The following SLIT1 variants were observed in gnomAD, a reference collection of about 807,000 sequenced individuals.
The protein encoded by SLIT1 is slit guidance ligand 1.
A neutral mutation model predicts 186.1 loss-of-function variants in SLIT1; 66 were observed. That is an observed-to-expected ratio of 0.35 (90% CI 0.29 to 0.44). SLIT1 has a LOEUF of 0.44. Ranked by LOEUF, SLIT1 falls within the 20% of genes least tolerant of loss-of-function variation. SLIT1 has a pLI of 1.00. For missense variants in SLIT1, 1,638 were observed against 2,037.4 expected, an observed-to-expected ratio of 0.80 and a Z score of 3.77; for synonymous variants, 761 against 833.8, an observed-to-expected ratio of 0.91 and a Z score of 1.50.
chr10:97,021,856 C>G lies in SLIT1; in HGVS notation c.2583-443G>C, dbSNP rs1455421939. Among the ~76,000 whole-genome samples the G allele has an allele frequency of 1.3e-5, 2 of 152,210 alleles. No individual in the cohort carries two copies. The highest frequency in any genetic ancestry group is 2.9e-5 in the Non-Finnish European group (2 of 68,040). ...GGGATTACAGGCGTGAGCCACCGTGCCTGGCTGCCAGTGCTGTTTTAAGCA... is the reference window on the plus strand; with the variant it reads ...GGGATTACAGGCGTGAGCCACCGTGGCTGGCTGCCAGTGCTGTTTTAAGCA... On this transcript the variant is annotated intron_variant, in intron 25 of 36. Transcript: ENST00000266058. The surrounding 1 kb of genome is among the most constrained non-coding windows in gnomAD (Gnocchi z 4.5).
rs966177001 is a variant in SLIT1, at chr10:97,000,913, C to T, written c.*199G>A. ...AGAGGGCAGCCCGCAGCTCAGGCCT[C>T]GCCCACCCCCGCTGCCCCCAGCTAT... On this transcript the variant is annotated 3_prime_UTR_variant, in exon 37 of 37. Transcript: ENST00000266058. The T allele has an allele frequency of 7.6e-5, 45 of 592,714 alleles. No individual in the cohort carries two copies. Among genetic ancestry groups the T allele is most frequent in the African/African-American group, 3.5e-4 (19 of 53,724 alleles). The allele number at this position is 592,714 out of a possible 1,614,324, so 36.7% of individuals were successfully genotyped here.
intron 14 of SLIT1, among the ~76,000 whole-genome samples, chr10:97,048,255 G>A (rs1440889556): frequency 6.6e-6 from 1 of 152,214 alleles, no homozygotes; most frequent in African/African-American, 2.4e-5. Context: ...ATGGCACGAG[G>A]TGGGGACTGT....
At chr10:97,028,568 C>T (rs1264021688) in intron 25 of SLIT1, among the ~76,000 whole-genome samples, 1 of 152,174 alleles carries the variant, frequency 6.6e-6, no homozygotes, top group African/African-American at 2.4e-5. Context: ...CCTAGAATTC[C>T]CTTCCTCACT....
At chr10:97,160,008 G>A (rs1472299512) in intron 3 of SLIT1, among the ~76,000 whole-genome samples, 1 of 152,162 alleles carries the variant, frequency 6.6e-6, no homozygotes, top group Non-Finnish European at 1.5e-5. Flanking sequence ...AATGGTAGAT[G>A]TGGGATCTTG....
At chr10:97,051,827 A>G (rs1038598279) in intron 13 of SLIT1, among the ~76,000 whole-genome samples, 1 of 149,904 alleles carries the variant, frequency 6.7e-6, no homozygotes, top group African/African-American at 2.5e-5. Flanking sequence ...AAAAAAAAAA[A>G]GAAAGGAAAA....
rs1214195144 is a variant in SLIT1, at chr10:97,130,217, A to G, written c.413+27601T>C. Among the ~76,000 whole-genome samples, 4 of 152,372 alleles carry G rather than the reference A, an allele frequency of 2.6e-5. No individual in the cohort carries two copies. In the East Asian group the frequency reaches 7.7e-4, roughly 29 times the overall value. ...TAGCTGGTATGGTGATTTCTCAAAA[A>G]TTAAACATAGAATCACCACATGATC... On this transcript the variant is annotated intron_variant, in intron 4 of 36. Coordinates refer to ENST00000266058, the MANE Select transcript of SLIT1 (RefSeq NM_003061.3).
rs780115071 is a variant in SLIT1 at position 97,004,738 on chromosome 10, C to T, written c.3665G>A (p.Arg1222His). The T allele has an allele frequency of 1.2e-5, 19 of 1,614,038 alleles. No individual in the cohort carries two copies. Among genetic ancestry groups the T allele is most frequent in the South Asian group, 5.5e-5 (5 of 91,080 alleles). ...GTAGCTGCCTGGGTCGTAGCTGACACGCACATGGCCCTGGTACAGCTCAAC... is the reference window on the plus strand; with the variant it reads ...GTAGCTGCCTGGGTCGTAGCTGACATGCACATGGCCCTGGTACAGCTCAAC... ...IAVELYQGHV[R>H]VSYDPGSYPS... The change falls in exon 33 of 37, where the codon CGT becomes CAT. Residue 1222 changes from arginine to histidine, a missense_variant. By Grantham distance (29) the Arg-to-His change is conservative. Coordinates refer to ENST00000266058, the MANE Select transcript of SLIT1 (RefSeq NM_003061.3). The surrounding 1 kb of genome is among the most constrained non-coding windows in gnomAD (Gnocchi z 5.1).
rs541895668 is a variant in SLIT1 at position 97,148,366 on chromosome 10, A to G, written c.413+9452T>C. Among the ~76,000 whole-genome samples the G allele has an allele frequency of 2.6e-5, 4 of 151,360 alleles. No homozygotes were observed. The South Asian group carries it at 8.4e-4, about 32-fold the overall frequency. On this transcript the variant is annotated intron_variant, in intron 4 of 36. Coordinates refer to ENST00000266058, the MANE Select transcript of SLIT1 (RefSeq NM_003061.3). ...TGCAGTGGCACAGTCATAACTCATT[A>G]TAACCTCAAACTCCTGGGCTCAAGC...
At chr10:97,092,251 G>A (rs2134664028) in intron 4 of SLIT1, among the ~76,000 whole-genome samples, 1 of 152,310 alleles carries the variant, frequency 6.6e-6, no homozygotes, top group Non-Finnish European at 1.5e-5. Context: ...TATGTGCATG[G>A]TGCATCCGAT....
At chr10:97,171,891 C>T (rs1850194353) in intron 1 of SLIT1, among the ~76,000 whole-genome samples, 1 of 152,090 alleles carries the variant, frequency 6.6e-6, no homozygotes, top group Non-Finnish European at 1.5e-5. Context: ...CCAACCCAGC[C>T]TGCCCCATGC....
Position 97,043,382 on chromosome 10 carries a change from G to A in SLIT1, c.1985C>T (p.Ser662Phe), listed in dbSNP as rs149365330. ...AGGCCGGACTCACAGTGTGGAGAGG[G>A]ACTGGAGGGTGTCGAAGGCTCCTGG... is the stretch of plus-strand genomic sequence containing the variant. ...VSPGAFDTLQ[S>F]LSTLNLLANP... The change falls in exon 19 of 37, where the codon TCC becomes TTC. Residue 662 changes from serine (S) to phenylalanine (F), a missense_variant. By Grantham distance (155) the Ser-to-Phe change is radical. Transcript: ENST00000266058. The surrounding 1 kb of genome is among the most constrained non-coding windows in gnomAD (Gnocchi z 7.0). The A allele has an allele frequency of 5.6e-6, 9 of 1,613,510 alleles. No homozygotes were observed. The African/African-American group carries it at 1.1e-4, about 19-fold the overall frequency.
intron 4 of SLIT1, among the ~76,000 whole-genome samples, chr10:97,089,906 C>T (rs1172880846): frequency 6.6e-6 from 1 of 152,188 alleles, no homozygotes; most frequent in African/African-American, 2.4e-5. Context: ...GAGCTTGTCC[C>T]CTAACATCTC....
intron 23 of SLIT1, among the ~76,000 whole-genome samples, chr10:97,032,992 G>A (rs144690803): frequency 0.024 from 3,593 of 152,144 alleles, 67 homozygotes; most frequent in Middle Eastern, 0.072. Context: ...CCTGGGTCTC[G>A]GAGCTGGGAG....
chr10:97,018,725 G>A, intron 27 of SLIT1, 42 bp from the exon 28 acceptor site: 2 of 1,324,388 alleles, frequency 1.5e-6, no homozygotes, highest in Non-Finnish European at 2.1e-6. Flanking sequence ...GGAGACCCAG[G>A]AGTTAGTATG....
chr10:97,078,997 G>T (rs1270730785), intron 4 of SLIT1, among the ~76,000 whole-genome samples: 1 of 152,172 alleles, frequency 6.6e-6, no homozygotes, highest in Non-Finnish European at 1.5e-5. Context: ...TGGTGCAGGA[G>T]GACAAAGAAT....
intron 4 of SLIT1, among the ~76,000 whole-genome samples, chr10:97,141,906 C>T (rs1211947217): frequency 1.3e-5 from 2 of 152,146 alleles, no homozygotes; most frequent in Non-Finnish European, 2.9e-5. Flanking sequence ...AATCCTCCTG[C>T]TTCAGCCCTC....
At chr10:97,111,042 T>G (rs898459228) in intron 4 of SLIT1, among the ~76,000 whole-genome samples, 1 of 151,944 alleles carries the variant, frequency 6.6e-6, no homozygotes, top group African/African-American at 2.4e-5. Flanking sequence ...ATACAAAAAT[T>G]AGCCAGGCCT....
At chr10:97,041,717 C>T (rs1274561782) in intron 20 of SLIT1, among the ~76,000 whole-genome samples, 2 of 152,102 alleles carry the variant, frequency 1.3e-5, no homozygotes, top group African/African-American at 4.8e-5. Flanking sequence ...GGGATCTGCC[C>T]GCCTCGGCCT....
intron 16 of SLIT1, 53 bp downstream of exon 16, chr10:97,047,637 G>A (rs1848745198): frequency 3.0e-5 from 47 of 1,560,426 alleles, no homozygotes; most frequent in Non-Finnish European, 4.0e-5. Flanking sequence ...AGGCCAAGGA[G>A]GGTTAGTGGC....
Sources: gnomAD v4.1 joint callset for allele counts (sites outside exome capture counted in the v4.1 genomes callset) on GRCh38, gnomAD v4.1.1 for gene constraint, Gnocchi (gnomAD v3.1) non-coding constraint, MANE v1.5 for transcripts, NCBI Gene and HGNC (gene_info 2026-07-23, HGNC 2026-07-21) for gene names.